The following NEK6 variants were observed in gnomAD, a reference collection of about 807,000 sequenced individuals.
NEK6 encodes the protein NIMA related kinase 6.
Under a neutral mutation model 43.5 loss-of-function variants are expected in NEK6, and 27 were observed. That is an observed-to-expected ratio of 0.62 (90% confidence interval 0.46 to 0.86). The LOEUF (loss-of-function observed/expected upper bound fraction) is 0.86, where lower values mean the gene tolerates loss of function less well. NEK6 is among the 40% of genes least tolerant of loss of function. The pLI is 0.00. For missense variants in NEK6, 318 were observed against 414.4 expected, an observed-to-expected ratio of 0.77 and a Z score of 2.02; for synonymous variants, 167 against 164.1, an observed-to-expected ratio of 1.02 and a Z score of -0.14.
chr9:124,261,417 G>T, intron 1 of NEK6: 1 of 985,444 alleles, frequency 1.0e-6, no homozygotes, highest in Non-Finnish European at 1.2e-6. Context: ...AGAGTGGAGG[G>T]ACCTGGTGAA....
intron 1 of NEK6, among the ~76,000 whole-genome samples, chr9:124,273,367 C>T (rs988920713): frequency 4.6e-5 from 7 of 152,114 alleles, no homozygotes; most frequent in African/African-American, 1.4e-4. Flanking sequence ...GGGGAGGGGA[C>T]GGAACCCTTT....
intron 1 of NEK6, among the ~76,000 whole-genome samples, chr9:124,258,967 G>A (rs977475490): frequency 6.6e-6 from 1 of 152,252 alleles, no homozygotes; most frequent in Non-Finnish European, 1.5e-5. Context: ...GGCCTGGGGG[G>A]CTGACCCTAG....
chr9:124,310,896 A>G (rs1220243195), intron 2 of NEK6, among the ~76,000 whole-genome samples: 1 of 152,172 alleles, frequency 6.6e-6, no homozygotes, highest in Admixed American at 6.5e-5. Context: ...TAGAAGAGAC[A>G]TTTTCACTTT....
intron 4 of NEK6, among the ~76,000 whole-genome samples, chr9:124,319,077 C>G (rs1833945081): frequency 6.6e-6 from 1 of 152,160 alleles, no homozygotes; most frequent in Non-Finnish European, 1.5e-5. Flanking sequence ...CTCCGCCTCC[C>G]AGGTTCAAGC....
At chr9:124,293,035 A>T in intron 1 of NEK6, 1 of 1,491,572 alleles carries the variant, frequency 6.7e-7, no homozygotes, top group Admixed American at 2.2e-5. Flanking sequence ...ATCATTTCCC[A>T]GGCAGGCAGG....
chr9:124,292,580 G>A (rs1366971939), intron 1 of NEK6: 23 of 1,536,380 alleles, frequency 1.5e-5, no homozygotes, highest in East Asian at 1.5e-4. Context: ...AGCCCCCGGG[G>A]CTGTTCCACT....
At chr9:124,342,523 G>T (rs962397298) in intron 8 of NEK6, among the ~76,000 whole-genome samples, 1 of 152,232 alleles carries the variant, frequency 6.6e-6, no homozygotes, top group African/African-American at 2.4e-5. Context: ...GGCCCTAGGG[G>T]TGAGGTGCCC....
chr9:124,311,709 A>G (rs1833534502), intron 2 of NEK6, among the ~76,000 whole-genome samples: 1 of 152,124 alleles, frequency 6.6e-6, no homozygotes. Context: ...TTTTTTTGAG[A>G]GGGGGACAGA....
At chr9:124,268,775 C>T (rs16927321) in intron 1 of NEK6, among the ~76,000 whole-genome samples, 6,028 of 152,234 alleles carry the variant, frequency 0.04, 168 homozygotes, top group East Asian at 0.1. Flanking sequence ...AATGTGAGAT[C>T]GCGTGGTTGG....
chr9:124,304,043 G>A (rs924993511), intron 2 of NEK6, among the ~76,000 whole-genome samples: 1 of 152,254 alleles, frequency 6.6e-6, no homozygotes, highest in Non-Finnish European at 1.5e-5. Context: ...AATTAGTTAC[G>A]ATTACTCGGA....
intron 1 of NEK6, chr9:124,293,056 A>G: frequency 6.9e-7 from 1 of 1,444,106 alleles, no homozygotes; most frequent in Middle Eastern, 1.9e-4. Context: ...GGTCTCTGGG[A>G]TGGTGGGCCT....
intron 7 of NEK6, among the ~76,000 whole-genome samples, chr9:124,332,611 A>G (rs1829062997): frequency 6.6e-6 from 1 of 152,210 alleles, no homozygotes; most frequent in South Asian, 2.1e-4. Context: ...CCAATCCACC[A>G]TCTGGGGAAG....
chr9:124,295,779 G>A (rs780507116), intron 1 of NEK6, among the ~76,000 whole-genome samples: 1 of 152,206 alleles, frequency 6.6e-6, no homozygotes, highest in African/African-American at 2.4e-5. Flanking sequence ...CCTGGGCGTG[G>A]CATTCCTTAC....
Position 124,335,902 on chromosome 9 carries a change from G to T in NEK6, c.623-3669G>T, listed in dbSNP as rs192333357. On this transcript the variant is annotated intron_variant, in intron 7 of 9. Coordinates refer to ENST00000320246, the MANE Select transcript of NEK6 (RefSeq NM_014397.6). ...ATGTGGGAGGATCGCTTGAGGCCAG[G>T]AGTTTGAGACCAGCCTGGGCAACAT... 4.1e-3 allele frequency among the ~76,000 whole-genome samples: 625 copies of T among 152,328 alleles called. 2 individuals are homozygous for T. The highest frequency in any genetic ancestry group is 0.014 in the African/African-American group (592 of 41,576).
intron 1 of NEK6, among the ~76,000 whole-genome samples, chr9:124,277,772 G>T (rs1376260907): frequency 6.6e-6 from 1 of 152,100 alleles, no homozygotes; most frequent in Non-Finnish European, 1.5e-5. Context: ...GAGCGCGCCC[G>T]CAGGCCCCAT....
At chr9:124,263,999 C>T (rs1230438593) in intron 1 of NEK6, among the ~76,000 whole-genome samples, 1 of 152,200 alleles carries the variant, frequency 6.6e-6, no homozygotes, top group Non-Finnish European at 1.5e-5. Flanking sequence ...ACAGCGTCGG[C>T]CCCGCAGAGG....
chr9:124,257,622 G>A, upstream of NEK6: 2 of 1,492,404 alleles, frequency 1.3e-6, no homozygotes, highest in African/African-American at 1.4e-5. Flanking sequence ...CTAGGCGATG[G>A]GGAATCCGAA....
chr9:124,258,606 CTGAGGTTGAGGGGCCGG>C (rs1216326518), intron 1 of NEK6, among the ~76,000 whole-genome samples: 1 of 152,166 alleles, frequency 6.6e-6, no homozygotes, highest in African/African-American at 2.4e-5. Context: ...GTGTTTATTA[CTGAGGTTGAGGGGCCGG>C]CCCCCTTTGC....
chr9:124,272,687 G>A (rs193188614), intron 1 of NEK6, among the ~76,000 whole-genome samples: 15 of 152,306 alleles, frequency 9.8e-5, no homozygotes, highest in African/African-American at 1.9e-4. Flanking sequence ...TCCCCCTAAC[G>A]CTGCTGGTCA....
Sources: gnomAD v4.1 joint callset for allele counts (sites outside exome capture counted in the v4.1 genomes callset) on GRCh38, gnomAD v4.1.1 for gene constraint, MANE v1.5 for transcripts, NCBI Gene and HGNC (gene_info 2026-07-23, HGNC 2026-07-21) for gene names.